Variants in CACNA1E observed in about 807,000 individuals in gnomAD.
The protein encoded by CACNA1E is voltage-dependent R-type calcium channel subunit alpha-1E.
A neutral mutation model predicts 259.2 loss-of-function variants in CACNA1E; 40 were observed. The ratio of observed to expected loss-of-function variants is 0.15; its 90% CI spans 0.12 to 0.20. The LOEUF (loss-of-function observed/expected upper bound fraction) is 0.20, where lower values mean the gene tolerates loss of function less well. CACNA1E is among the 10% of genes least tolerant of loss of function. The pLI, the probability that CACNA1E is intolerant of heterozygous loss-of-function variation, is 1.00. For missense variants in CACNA1E, 1,874 were observed against 3,040.1 expected, an observed-to-expected ratio of 0.62 and a Z score of 9.02; for synonymous variants, 1,104 against 1,138.5, an observed-to-expected ratio of 0.97 and a Z score of 0.61.
intron 25 of CACNA1E, 39 bp downstream of exon 25, chr1:181,739,292 C>A: frequency 2.3e-6 from 3 of 1,328,822 alleles, no homozygotes; most frequent in Non-Finnish European, 3.3e-6. Context: ...CTTCCTTCCC[C>A]TCTTCCTGGA....
At chr1:181,563,450 A>G (rs749173054) in intron 3 of CACNA1E, among the ~76,000 whole-genome samples, 33 of 152,168 alleles carry the variant, frequency 2.2e-4, no homozygotes, top group Admixed American at 7.2e-4. Flanking sequence ...CTGTCCCCCA[A>G]TACCACACAA....
At chr1:181,409,640 G>A (rs570287909) in intron 1 of CACNA1E, among the ~76,000 whole-genome samples, 1 of 152,184 alleles carries the variant, frequency 6.6e-6, no homozygotes, top group East Asian at 1.9e-4. Context: ...TCCTTTCCTA[G>A]AAGATATAGA....
At chr1:181,544,273 T>C (rs887982914) in intron 3 of CACNA1E, among the ~76,000 whole-genome samples, 6 of 152,170 alleles carry the variant, frequency 3.9e-5, no homozygotes, top group Admixed American at 3.3e-4. Flanking sequence ...GGGCGTACGA[T>C]AGTTGTTACG....
intron 2 of CACNA1E, among the ~76,000 whole-genome samples, chr1:181,442,687 A>G (rs1260690559): frequency 1.3e-5 from 2 of 152,174 alleles, no homozygotes; most frequent in Non-Finnish European, 2.9e-5. Flanking sequence ...GTTGGAGGAC[A>G]TGACCATGTC....
At chr1:181,769,709 T>C (rs554101250) in intron 35 of CACNA1E, among the ~76,000 whole-genome samples, 7 of 152,212 alleles carry the variant, frequency 4.6e-5, no homozygotes, top group Non-Finnish European at 8.8e-5. Context: ...GAGAAAATCA[T>C]AATGAATTCA....
chr1:181,599,324 C>T (rs1653514488), intron 6 of CACNA1E, among the ~76,000 whole-genome samples: 1 of 152,180 alleles, frequency 6.6e-6, no homozygotes, highest in Non-Finnish European at 1.5e-5. Flanking sequence ...CAGAGTATTC[C>T]ATGGTGTATA....
intron 6 of CACNA1E, among the ~76,000 whole-genome samples, chr1:181,610,064 GGA>G (rs1182357913): frequency 1.3e-5 from 2 of 152,258 alleles, no homozygotes; most frequent in East Asian, 3.9e-4. Context: ...AAGAACGGTG[GGA>G]AAAGCCTGGT....
intron 1 of CACNA1E, among the ~76,000 whole-genome samples, chr1:181,379,262 C>T (rs991186227): frequency 6.6e-6 from 1 of 151,984 alleles, no homozygotes. Context: ...CTGGAATCCA[C>T]AAAGGAAGAG....
intron 6 of CACNA1E, among the ~76,000 whole-genome samples, chr1:181,647,447 C>T (rs918255210): frequency 6.6e-6 from 1 of 152,142 alleles, no homozygotes; most frequent in Admixed American, 6.5e-5. Flanking sequence ...ATGAGTGATT[C>T]TCCCTCTCAC....
chr1:181,789,329 G>A (rs1661097080), intron 43 of CACNA1E, among the ~76,000 whole-genome samples: 1 of 152,142 alleles, frequency 6.6e-6, no homozygotes, highest in Admixed American at 6.5e-5. Context: ...GAAGCAAGGG[G>A]ACAGATTAGG....
exon 2 of CACNA1E, chr1:181,413,138 T>C (rs1657988136): frequency 6.6e-6 from 1 of 151,792 alleles, no homozygotes; most frequent in Admixed American, 6.6e-5. Context: ...CACAGAGCAA[T>C]GTTCTGTGAT....
At chr1:181,768,050 C>T (rs1659178860) in intron 35 of CACNA1E, among the ~76,000 whole-genome samples, 2 of 152,174 alleles carry the variant, frequency 1.3e-5, no homozygotes, top group Non-Finnish European at 2.9e-5. Context: ...TATCCATCAC[C>T]TCAAACATTT....
chr1:181,640,949 A>G (rs2101999596), intron 6 of CACNA1E, among the ~76,000 whole-genome samples: 1 of 152,358 alleles, frequency 6.6e-6, no homozygotes, highest in Admixed American at 6.5e-5. Flanking sequence ...ATGGAGGACC[A>G]ATATGTAAAA....
At chr1:181,698,878 G>T (rs1651961849) in intron 7 of CACNA1E, among the ~76,000 whole-genome samples, 1 of 152,106 alleles carries the variant, frequency 6.6e-6, no homozygotes, top group Non-Finnish European at 1.5e-5. Context: ...TCTAAGTAAG[G>T]GATGATAACG....
intron 1 of CACNA1E, among the ~76,000 whole-genome samples, chr1:181,503,845 G>A (rs1439047934): frequency 6.6e-6 from 1 of 152,178 alleles, no homozygotes; most frequent in Admixed American, 6.5e-5. Flanking sequence ...TTTTGCAGTC[G>A]GAGGCCTGGC....
At chr1:181,351,768 C>T (rs1181390746) in intron 1 of CACNA1E, among the ~76,000 whole-genome samples, 2 of 152,198 alleles carry the variant, frequency 1.3e-5, no homozygotes, top group African/African-American at 2.4e-5. Context: ...CTGCCTCTCT[C>T]GTAAGGATAT....
intron 2 of CACNA1E, among the ~76,000 whole-genome samples, chr1:181,422,338 T>C (rs1421558061): frequency 1.3e-5 from 2 of 152,188 alleles, no homozygotes; most frequent in African/African-American, 4.8e-5. Context: ...TGAATGAATA[T>C]TTATGAATGT....
At chr1:181,508,210 A>C (rs968283276) in intron 1 of CACNA1E, among the ~76,000 whole-genome samples, 1 of 151,138 alleles carries the variant, frequency 6.6e-6, no homozygotes, top group Non-Finnish European at 1.5e-5. Flanking sequence ...AAAAGTATTA[A>C]AGGCCCCAAG....
At chr1:181,691,599 C>G (rs925566517) in intron 7 of CACNA1E, among the ~76,000 whole-genome samples, 8 of 151,990 alleles carry the variant, frequency 5.3e-5, no homozygotes, top group Non-Finnish European at 8.8e-5. Flanking sequence ...ACAGAAAAAG[C>G]CTTTGATAAA....
Sources: allele counts gnomAD v4.1 joint callset (sites outside exome capture counted in the v4.1 genomes callset), GRCh38; gene constraint gnomAD v4.1.1; transcripts MANE v1.5; gene names NCBI Gene and HGNC (gene_info 2026-07-23, HGNC 2026-07-21).